CAMK2D: variants seen among roughly 807,000 people sequenced by gnomAD.
The protein encoded by CAMK2D is calcium/calmodulin-dependent protein kinase type II subunit delta.
Under a neutral mutation model 84.0 loss-of-function variants are expected in CAMK2D, and 37 were observed. The ratio of observed to expected loss-of-function variants is 0.44; its 90% CI spans 0.34 to 0.58. The LOEUF is 0.58. Among genes scored for constraint, CAMK2D ranks in the 20% least tolerant of loss-of-function variants. The pLI is 0.02. For missense variants in CAMK2D, 448 were observed against 652.5 expected (o/e 0.69, Z 3.41); for synonymous variants, 202 against 212.5 (o/e 0.95, Z 0.43).
rs116018493 is a variant in CAMK2D at position 113,548,025 on chromosome 4, T to C, written c.342-309A>G. Among the ~76,000 whole-genome samples, 331 of 152,298 alleles carry C rather than the reference T, an allele frequency of 2.2e-3. 1 individual carries two copies. The highest frequency in any genetic ancestry group is 0.01 in the Middle Eastern group (3 of 294). On this transcript the variant is annotated intron_variant, in intron 5 of 20. Transcript: ENST00000511664. ...CAGGAAATAAAGTGGAACACAAATA[T>C]AATCTTTATAGCTGTGGTGTTCCGC... is the stretch of plus-strand genomic sequence containing the variant.
At chr4:113,460,293 TTTG>T (rs1468060538) in intron 17 of CAMK2D, 52 bp from the exon 18 acceptor site, 2 of 988,626 alleles carry the variant, frequency 2.0e-6, no homozygotes, top group Non-Finnish European at 3.2e-6. Flanking sequence ...TTTAATGTGT[TTTG>T]TTGTTTCATG....
chr4:113,751,705 G>T (rs953314631), intron 2 of CAMK2D, among the ~76,000 whole-genome samples: 7 of 152,074 alleles, frequency 4.6e-5, no homozygotes, highest in Admixed American at 1.3e-4. Context: ...GGGAGGCCGA[G>T]GTTGCAGTGA....
chr4:113,575,927 G>A (rs1023666004), intron 4 of CAMK2D, among the ~76,000 whole-genome samples: 3 of 152,076 alleles, frequency 2.0e-5, no homozygotes, highest in Non-Finnish European at 2.9e-5. Flanking sequence ...GTAGGAATTT[G>A]AAGCATAAAC....
intron 16 of CAMK2D, among the ~76,000 whole-genome samples, chr4:113,499,022 T>A (rs1169167181): frequency 1.3e-5 from 2 of 152,210 alleles, no homozygotes; most frequent in South Asian, 2.1e-4. Flanking sequence ...CAAGTTTTCT[T>A]AGTCTTGCTC....
chr4:113,503,509 A>G (rs996395503), intron 14 of CAMK2D, among the ~76,000 whole-genome samples: 1 of 152,194 alleles, frequency 6.6e-6, no homozygotes, highest in Non-Finnish European at 1.5e-5. Context: ...ACTATACTAA[A>G]GAATCCATTT....
At chr4:113,760,340 A>C (rs1280046453) in intron 1 of CAMK2D, among the ~76,000 whole-genome samples, 1 of 152,186 alleles carries the variant, frequency 6.6e-6, no homozygotes, top group African/African-American at 2.4e-5. Flanking sequence ...AAATCCTCCC[A>C]GAGAACGCAA....
chr4:113,494,172 G>A (rs532207227), intron 16 of CAMK2D, among the ~76,000 whole-genome samples: 18 of 152,318 alleles, frequency 1.2e-4, no homozygotes, highest in East Asian at 1.9e-4. Context: ...GCTTTGTTCC[G>A]TTGCTGGTGA....
chr4:113,694,996 C>T (rs1255487008), intron 2 of CAMK2D, among the ~76,000 whole-genome samples: 1 of 152,120 alleles, frequency 6.6e-6, no homozygotes, highest in African/African-American at 2.4e-5. Context: ...ATAAAAGGAA[C>T]ATGAAAATAA....
intron 1 of CAMK2D, among the ~76,000 whole-genome samples, chr4:113,760,413 C>G (rs187987240): frequency 6.6e-6 from 1 of 152,144 alleles, no homozygotes. Flanking sequence ...AAGAACAACA[C>G]TGGATATAGG....
chr4:113,635,822 T>C (rs1261878809), intron 3 of CAMK2D, among the ~76,000 whole-genome samples: 3 of 152,230 alleles, frequency 2.0e-5, no homozygotes, highest in African/African-American at 4.8e-5. Context: ...AGGTTGAGAA[T>C]GACCAATGTA....
intron 2 of CAMK2D, among the ~76,000 whole-genome samples, chr4:113,696,921 GAGT>G (rs1593182122): frequency 6.6e-6 from 1 of 152,068 alleles, no homozygotes. Context: ...GTCCCATTAG[GAGT>G]ACAGAGAAGG....
At chr4:113,724,829 AC>A (rs1487910195) in intron 2 of CAMK2D, among the ~76,000 whole-genome samples, 1 of 151,986 alleles carries the variant, frequency 6.6e-6, no homozygotes, top group African/African-American at 2.4e-5. Flanking sequence ...TACATTTAAC[AC>A]TATGATAACT....
intron 4 of CAMK2D, among the ~76,000 whole-genome samples, chr4:113,588,075 T>C (rs548963329): frequency 8.5e-5 from 13 of 152,272 alleles, no homozygotes; most frequent in African/African-American, 3.1e-4. Context: ...CAAAAGAGTC[T>C]TTCTTTCCAG....
intron 3 of CAMK2D, among the ~76,000 whole-genome samples, chr4:113,645,346 A>C (rs1214599079): frequency 6.6e-6 from 1 of 152,166 alleles, no homozygotes; most frequent in Non-Finnish European, 1.5e-5. Flanking sequence ...AGATGGATTA[A>C]ATGAAATTCA....
intron 20 of CAMK2D, among the ~76,000 whole-genome samples, chr4:113,455,125 C>A (rs548807094): frequency 6.6e-6 from 1 of 152,272 alleles, no homozygotes; most frequent in African/African-American, 2.4e-5. Flanking sequence ...ATGCTTGTAA[C>A]CCAAGTCTAA....
At chr4:113,683,781 A>G (rs1190404315) in intron 2 of CAMK2D, among the ~76,000 whole-genome samples, 1 of 152,216 alleles carries the variant, frequency 6.6e-6, no homozygotes, top group African/African-American at 2.4e-5. Flanking sequence ...AAAGCTAACA[A>G]ATTAATCCTG....
chr4:113,476,892 A>G (rs1390430174), intron 16 of CAMK2D, among the ~76,000 whole-genome samples: 1 of 151,972 alleles, frequency 6.6e-6, no homozygotes, highest in African/African-American at 2.4e-5. Flanking sequence ...TGCAACCCCC[A>G]CCCAGAAACT....
At chr4:113,548,306 T>C (rs1221910632) in intron 5 of CAMK2D, among the ~76,000 whole-genome samples, 1 of 152,108 alleles carries the variant, frequency 6.6e-6, no homozygotes, top group Non-Finnish European at 1.5e-5. Flanking sequence ...AGAACAGAAG[T>C]GGTGTTTAAA....
Position 113,544,075 on chromosome 4 carries a change from A to G in CAMK2D, c.414+3569T>C, listed in dbSNP as rs562549279. Among the ~76,000 whole-genome samples, 13 of 152,218 alleles carry G rather than the reference A, an allele frequency of 8.5e-5. No homozygotes were observed. In the South Asian group the frequency reaches 2.5e-3, roughly 29 times the overall value. On this transcript the variant is annotated intron_variant, in intron 6 of 20. Coordinates refer to ENST00000511664, the MANE Select transcript of CAMK2D (RefSeq NM_001321571.2). ...CAATACTAATTGTCTTCATGTGGCAATTACTAATTAAATGTGGCAAATGCA... is the reference window on the plus strand; with the variant it reads ...CAATACTAATTGTCTTCATGTGGCAGTTACTAATTAAATGTGGCAAATGCA...
Sources: gnomAD v4.1 joint callset for allele counts (sites outside exome capture counted in the v4.1 genomes callset) on GRCh38, gnomAD v4.1.1 for gene constraint, MANE v1.5 for transcripts, NCBI Gene and HGNC (gene_info 2026-07-23, HGNC 2026-07-21) for gene names.